IGSF21: variants seen among roughly 807,000 people sequenced by gnomAD.
The protein encoded by IGSF21 is immunoglobin superfamily member 21.
In IGSF21, 28 loss-of-function variants were observed where a neutral mutation model predicts 46.8. The ratio of observed to expected loss-of-function variants is 0.60; its 90% CI spans 0.44 to 0.82. IGSF21 has a LOEUF of 0.82. Among genes scored for constraint, IGSF21 ranks in the 40% least tolerant of loss-of-function variants. The probability of loss-of-function intolerance (pLI) is 0.00; values close to 1 mark genes in which losing one functional copy is unlikely to be tolerated. For missense variants in IGSF21, 624 were observed against 665.5 expected (o/e 0.94, Z 0.69); for synonymous variants, 284 against 273.6 (o/e 1.04, Z -0.38).
chr1:18,138,062 C>T (rs1404609546), intron 1 of IGSF21, among the ~76,000 whole-genome samples: 2 of 152,064 alleles, frequency 1.3e-5, no homozygotes, highest in Admixed American at 1.3e-4. Flanking sequence ...TCCCCAGCAA[C>T]AGGACACATG....
intron 3 of IGSF21, among the ~76,000 whole-genome samples, chr1:18,295,910 G>A (rs1191754893): frequency 6.6e-6 from 1 of 152,224 alleles, no homozygotes; most frequent in African/African-American, 2.4e-5. Flanking sequence ...CAAAGTACAA[G>A]CTCCTCCTTC....
chr1:18,181,067 C>A (rs932819660), intron 1 of IGSF21, among the ~76,000 whole-genome samples: 1 of 152,186 alleles, frequency 6.6e-6, no homozygotes, highest in Non-Finnish European at 1.5e-5. Flanking sequence ...GTGCTCCCTT[C>A]TTCTGCATCC....
intron 3 of IGSF21, among the ~76,000 whole-genome samples, chr1:18,329,041 A>G (rs2085685674): frequency 6.6e-6 from 1 of 152,202 alleles, no homozygotes; most frequent in Admixed American, 6.5e-5. Flanking sequence ...CTCATTACCT[A>G]GAGAGGTGGC....
chr1:18,293,433 C>T (rs1008001117), intron 3 of IGSF21, among the ~76,000 whole-genome samples: 11 of 152,126 alleles, frequency 7.2e-5, no homozygotes, highest in South Asian at 2.1e-4. Context: ...GCTCCCCAGG[C>T]GGCCCGGCTG....
At chr1:18,138,404 C>T (rs910673695) in intron 1 of IGSF21, among the ~76,000 whole-genome samples, 6 of 152,036 alleles carry the variant, frequency 3.9e-5, no homozygotes, top group Admixed American at 3.3e-4. Flanking sequence ...CACGGGGGAC[C>T]GTATTCCTAC....
intron 2 of IGSF21, among the ~76,000 whole-genome samples, chr1:18,287,508 T>C (rs1406150234): frequency 6.6e-6 from 1 of 152,208 alleles, no homozygotes; most frequent in Non-Finnish European, 1.5e-5. Context: ...CAAAAGTCTG[T>C]TGAATATGGA....
At chr1:18,126,086 G>A (rs923386357) in intron 1 of IGSF21, among the ~76,000 whole-genome samples, 4 of 152,146 alleles carry the variant, frequency 2.6e-5, no homozygotes, top group African/African-American at 9.7e-5. Context: ...CCGGCCTTTG[G>A]TTTTCAAACT....
At chr1:18,163,076 A>G (rs548876672) in intron 1 of IGSF21, among the ~76,000 whole-genome samples, 1 of 152,138 alleles carries the variant, frequency 6.6e-6, no homozygotes, top group African/African-American at 2.4e-5. Context: ...ATTCTTCTGA[A>G]TGAAAGATGT....
chr1:18,376,261 T>G (rs1393563940), intron 6 of IGSF21, 49 bp from the exon 7 acceptor site: 1 of 1,250,472 alleles, frequency 8.0e-7, no homozygotes, highest in Non-Finnish European at 1.2e-6. Flanking sequence ...CCATGTACCC[T>G]GTCCCTCCTT....
At chr1:18,362,962 A>G (rs1283348799) in intron 5 of IGSF21, among the ~76,000 whole-genome samples, 1 of 152,068 alleles carries the variant, frequency 6.6e-6, no homozygotes, top group Non-Finnish European at 1.5e-5. Flanking sequence ...TTCTGCAAGG[A>G]AGTTTAGGGG....
intron 1 of IGSF21, among the ~76,000 whole-genome samples, chr1:18,151,091 C>T (rs886807724): frequency 2.6e-5 from 4 of 152,154 alleles, no homozygotes; most frequent in Admixed American, 1.3e-4. Flanking sequence ...CCTGAGCGTC[C>T]CAGGGCCTCT....
intron 2 of IGSF21, among the ~76,000 whole-genome samples, chr1:18,258,821 A>C (rs2084915066): frequency 1.3e-5 from 2 of 152,228 alleles, no homozygotes; most frequent in Non-Finnish European, 2.9e-5. Context: ...AAGGCTTAGC[A>C]CCTAGTAAGT....
chr1:18,273,462 C>CTCTCTCTTTCTTTCTTTCTTTCTT (rs767013694), intron 2 of IGSF21, among the ~76,000 whole-genome samples: 2 of 61,954 alleles, frequency 3.2e-5, no homozygotes, highest in Non-Finnish European at 5.7e-5. Context: ...TTCTTTCTCT[C>CTCTCTCTTTCTTTCTTTCTTTCTT]TCTTTCTTTC....
At chr1:18,236,051 G>A (rs1038943184) in intron 2 of IGSF21, among the ~76,000 whole-genome samples, 1 of 152,216 alleles carries the variant, frequency 6.6e-6, no homozygotes, top group African/African-American at 2.4e-5. Context: ...GTTTGCAGGA[G>A]CAGTGCTATT....
chr1:18,228,396 A>G (rs1007743001), intron 2 of IGSF21, among the ~76,000 whole-genome samples: 2 of 152,178 alleles, frequency 1.3e-5, no homozygotes, highest in South Asian at 4.1e-4. Context: ...GAAAAACAGG[A>G]AGGCTTCCTG....
intron 1 of IGSF21, among the ~76,000 whole-genome samples, chr1:18,183,315 AT>A (rs551624862): frequency 2.0e-5 from 3 of 152,206 alleles, no homozygotes; most frequent in Non-Finnish European, 4.4e-5. Context: ...CTTCCTTTCC[AT>A]TAAGTTGTAA....
chr1:18,161,039 G>A (rs945759910), intron 1 of IGSF21, among the ~76,000 whole-genome samples: 4 of 152,104 alleles, frequency 2.6e-5, no homozygotes, highest in African/African-American at 7.2e-5. Flanking sequence ...GTTCCTGCTG[G>A]GGCCTGGCCA....
At chr1:18,203,220 TG>T (rs1184663918) in intron 1 of IGSF21, among the ~76,000 whole-genome samples, 1 of 152,198 alleles carries the variant, frequency 6.6e-6, no homozygotes, top group Non-Finnish European at 1.5e-5. Flanking sequence ...GCTCCAGGGA[TG>T]CTGCAACAAG....
chr1:18,240,929 A>T (rs2084721144), intron 2 of IGSF21, among the ~76,000 whole-genome samples: 1 of 152,180 alleles, frequency 6.6e-6, no homozygotes, highest in African/African-American at 2.4e-5. Context: ...TAAGAAGCAG[A>T]GTGTCCAGCC....
Sources: gnomAD v4.1 joint callset for allele counts (sites outside exome capture counted in the v4.1 genomes callset) on GRCh38, gnomAD v4.1.1 for gene constraint, MANE v1.5 for transcripts, NCBI Gene and HGNC (gene_info 2026-07-23, HGNC 2026-07-21) for gene names.